The following CDH23 variants were observed in gnomAD, a reference collection of about 807,000 sequenced individuals.
The protein encoded by CDH23 is cadherin related 23, also known as cadherin-23.
A neutral mutation model predicts 317.1 loss-of-function variants in CDH23; 189 were observed. That is an observed-to-expected ratio of 0.60 (90% confidence interval 0.53 to 0.67). CDH23 has a LOEUF of 0.67. Ranked by LOEUF, CDH23 falls within the 30% of genes least tolerant of loss-of-function variation. The probability of loss-of-function intolerance (pLI) is 0.00; values close to 1 mark genes in which losing one functional copy is unlikely to be tolerated. For synonymous variants in CDH23, 1,839 were observed against 1,876.8 expected (o/e 0.98, Z 0.52); for missense variants, 4,401 against 4,592.4 (o/e 0.96, Z 1.20).
Position 71,741,793 on chromosome 10 carries a change from G to T in CDH23, c.4717G>T (p.Asp1573Tyr). The change falls in exon 38 of 70, where the codon GAC becomes TAC. Residue 1573 changes from aspartate to tyrosine, a missense_variant. By Grantham distance (160) the Asp-to-Tyr change is radical. This residue lies in a region of CDH23 where 3,068 missense variants were observed against 3,203.3 expected (regional missense o/e 0.96). Coordinates refer to ENST00000224721, the MANE Select transcript of CDH23 (RefSeq NM_022124.6). The part of the protein sequence containing the change: ...LSYYITEGNK[D>Y]MAFRMDRISG... ...CTACTACATCACCGAGGGCAACAAG[G>T]ACATGGCCTTCCGCATGGACCGCAT... 6.2e-7 allele frequency: 1 copy of T among 1,612,922 alleles called. No individual in the cohort carries two copies. The highest frequency in any genetic ancestry group is 8.5e-7 in the Non-Finnish European group (1 of 1,179,512).
chr10:71,546,423 A>G (rs1262255945), intron 6 of CDH23, among the ~76,000 whole-genome samples: 1 of 152,176 alleles, frequency 6.6e-6, no homozygotes, highest in Non-Finnish European at 1.5e-5. Context: ...AATGCAACGC[A>G]AGCAATTTTA....
chr10:71,425,106 G>A (rs1217189410), intron 1 of CDH23, among the ~76,000 whole-genome samples: 1 of 151,912 alleles, frequency 6.6e-6, no homozygotes, highest in Non-Finnish European at 1.5e-5. Flanking sequence ...TCAGTGAAGA[G>A]GGACTGAGTG....
At chr10:71,704,563 C>G (rs1212910349) in intron 24 of CDH23, among the ~76,000 whole-genome samples, 1 of 152,150 alleles carries the variant, frequency 6.6e-6, no homozygotes, top group African/African-American at 2.4e-5. Flanking sequence ...GGTCCTTAAG[C>G]TGGAACAGCT....
intron 31 of CDH23, among the ~76,000 whole-genome samples, chr10:71,731,368 G>C (rs1444669688): frequency 6.6e-6 from 1 of 152,224 alleles, no homozygotes; most frequent in African/African-American, 2.4e-5. Context: ...GGTGGAGGGA[G>C]GAATGGCTGC....
intron 9 of CDH23, among the ~76,000 whole-genome samples, chr10:71,583,996 T>C (rs1858850517): frequency 6.6e-6 from 1 of 152,098 alleles, no homozygotes. Flanking sequence ...TTATTAGAAA[T>C]GCAAGGTTTT....
intron 11 of CDH23, 142 bp downstream of exon 11, chr10:71,617,535 G>A (rs1403450503): frequency 5.4e-6 from 8 of 1,480,422 alleles, no homozygotes; most frequent in Admixed American, 4.5e-5. Flanking sequence ...GGATAAATAA[G>A]GCTGAAAAAA....
intron 1 of CDH23, among the ~76,000 whole-genome samples, chr10:71,410,183 G>T (rs1281244211): frequency 6.6e-6 from 1 of 152,244 alleles, no homozygotes; most frequent in Non-Finnish European, 1.5e-5. Flanking sequence ...CACATAAAAT[G>T]CTTAGAAAAA....
At chr10:71,558,643 C>A (rs1000397249) in intron 6 of CDH23, among the ~76,000 whole-genome samples, 1 of 152,168 alleles carries the variant, frequency 6.6e-6, no homozygotes, top group Non-Finnish European at 1.5e-5. Flanking sequence ...TTCATATATA[C>A]CAGTGAGTTC....
In CDH23 at chr10:71,397,124, T is replaced by TGCGAGCG. The variant is rs527578984; in HGVS notation, c.-176_-170dup. ...TCCGAGCCCCCGGCGCGCCTGAAGT[T>TGCGAGCG]GCGAGCGGCGAGCGGCGAGCGGCGA... On this transcript the variant is annotated 5_prime_UTR_variant, in exon 1 of 70. Transcript: ENST00000224721. This position sits in a 1 kb window ranked among gnomAD's most constrained non-coding sequence, Gnocchi z 4.8. 0.015 allele frequency: 2,571 copies of TGCGAGCG among 175,626 alleles called. 68 individuals are homozygous for TGCGAGCG. Among genetic ancestry groups the TGCGAGCG allele is most frequent in the African/African-American group, 0.057 (2,304 of 40,298 alleles). 10.9% of individuals were successfully genotyped at this position (175,626 alleles called of 1,614,324 possible).
intron 11 of CDH23, among the ~76,000 whole-genome samples, chr10:71,626,406 A>C (rs1861737443): frequency 6.6e-6 from 1 of 152,192 alleles, no homozygotes; most frequent in Non-Finnish European, 1.5e-5. Context: ...GGGTGGGAGC[A>C]GGGAGGAGAC....
At position 71,798,546 on chromosome 10, in the gene CDH23, C is replaced by G. The variant is rs1841468965; in HGVS notation, c.7022C>G (p.Pro2341Arg). Reference sequence around the variant, plus strand: ...TACACCCTGCTGGACCTGGTGCCCCCAGGGTATGTCCAGCTGGAGGACTCC... The same window carrying G: ...TACACCCTGCTGGACCTGGTGCCCCGAGGGTATGTCCAGCTGGAGGACTCC... Reference protein sequence around the residue: ...VTYTLLDLVPPGYVQLEDSSA... With the variant: ...VTYTLLDLVPRGYVQLEDSSA... Residue 2341 changes from proline to arginine, a missense_variant, in exon 50 of 70, where the codon CCA becomes CGA. Physicochemically the swap from Pro to Arg is moderately radical, Grantham distance 103. Coordinates refer to ENST00000224721, the MANE Select transcript of CDH23 (RefSeq NM_022124.6). 2 of 1,613,110 alleles carry G rather than the reference C, an allele frequency of 1.2e-6. No homozygotes were observed. Among genetic ancestry groups the G allele is most frequent in the Non-Finnish European group, 1.7e-6 (2 of 1,179,492 alleles).
intron 1 of CDH23, 114 bp from the exon 2 acceptor site, chr10:71,439,710 TCTC>T: frequency 1.4e-6 from 1 of 706,180 alleles, no homozygotes. Context: ...GTTGATTCCT[TCTC>T]CTCCCTTCCC....
intron 47 of CDH23, among the ~76,000 whole-genome samples, chr10:71,792,456 A>C (rs1841277224): frequency 6.6e-6 from 1 of 152,224 alleles, no homozygotes; most frequent in Non-Finnish European, 1.5e-5. Context: ...TTAAATTTCT[A>C]TGCATGCTAA....
intron 22 of CDH23, among the ~76,000 whole-genome samples, chr10:71,701,660 C>G (rs1865590542): frequency 6.6e-6 from 1 of 152,100 alleles, no homozygotes; most frequent in Non-Finnish European, 1.5e-5. Flanking sequence ...TGGGCCCCAG[C>G]CATGGCTTCC....
chr10:71,614,626 G>A (rs187759421), intron 9 of CDH23, among the ~76,000 whole-genome samples: 302 of 152,348 alleles, frequency 2.0e-3, no homozygotes, highest in African/African-American at 6.9e-3. Flanking sequence ...CAAAACAGTG[G>A]CTACTGCCTG....
At chr10:71,760,754 G>A (rs41305045) in intron 38 of CDH23, 194,148 of 929,078 alleles carry the variant, frequency 0.21, 22,362 homozygotes, top group Non-Finnish European at 0.24. Context: ...GAGGAGGACC[G>A]GGGGGTTCTG....
intron 18 of CDH23, among the ~76,000 whole-genome samples, chr10:71,686,906 G>A (rs1864924227): frequency 2.0e-5 from 3 of 152,182 alleles, no homozygotes; most frequent in Admixed American, 6.5e-5. Context: ...GAAGGGCCGC[G>A]GTGTGAAGGA....
chr10:71,702,212 G>A lies in CDH23; in HGVS notation c.2587+1G>A, dbSNP rs1271686561. 4 of 1,612,688 alleles carry A rather than the reference G, an allele frequency of 2.5e-6. No individual in the cohort carries two copies. In the African/African-American group the frequency reaches 5.3e-5, roughly 22 times the overall value. On this transcript the variant is annotated splice_donor_variant, in intron 23 of 69. Transcript: ENST00000224721. LOFTEE classifies it high-confidence loss of function. ...AAAATCGTCGTCTCTGTTACTGACT[G>A]TATGGACCCCTCTCGCCCCTCACGG...
At chr10:71,482,609 G>A (rs1243099945) in intron 3 of CDH23, among the ~76,000 whole-genome samples, 1 of 152,226 alleles carries the variant, frequency 6.6e-6, no homozygotes, top group African/African-American at 2.4e-5. Flanking sequence ...ACCTGTGGGG[G>A]CACTGGACTG....
Sources: allele counts gnomAD v4.1 joint callset (sites outside exome capture counted in the v4.1 genomes callset), GRCh38; gene constraint gnomAD v4.1.1; regional missense constraint gnomAD v4.1.1; non-coding constraint Gnocchi (gnomAD v3.1); transcripts MANE v1.5; gene names NCBI Gene and HGNC (gene_info 2026-07-23, HGNC 2026-07-21).